RELN: variants seen among roughly 807,000 people sequenced by gnomAD.
RELN encodes the protein reelin.
Under a neutral mutation model 427.6 loss-of-function variants are expected in RELN, and 108 were observed. The ratio of observed to expected loss-of-function variants is 0.25; its 90% confidence interval spans 0.22 to 0.30. RELN has a LOEUF of 0.30. Among genes scored for constraint, RELN ranks in the 10% least tolerant of loss-of-function variants. The pLI, the probability that RELN is intolerant of heterozygous loss-of-function variation, is 1.00. For synonymous variants in RELN, 1,524 were observed against 1,513.4 expected (o/e 1.01, Z -0.16); for missense variants, 3,715 against 4,302.8 (o/e 0.86, Z 3.82).
At position 103,744,525 on chromosome 7, in the gene RELN, A is replaced by T. The variant is rs898494715; in HGVS notation, c.656+4901T>A. Among the ~76,000 whole-genome samples, 135 of 152,210 alleles carry T rather than the reference A, an allele frequency of 8.9e-4. 4 individuals carry two copies. The highest frequency in any genetic ancestry group is 2.9e-4 in the Non-Finnish European group (20 of 68,040). The stretch of plus-strand genomic sequence containing the variant: ...AAACTGATAGACCACTAGCAAGACT[A>T]ATAAAGAAGAAAAGAGAGAAGAATC... On this transcript the variant is annotated intron_variant, in intron 6 of 64. Coordinates refer to ENST00000428762, the MANE Select transcript of RELN (RefSeq NM_005045.4).
intron 3 of RELN, among the ~76,000 whole-genome samples, chr7:103,804,236 A>G (rs1172499762): frequency 6.6e-6 from 1 of 152,162 alleles, no homozygotes; most frequent in Admixed American, 6.5e-5. Context: ...TATTTCAAGT[A>G]CATATAAGAA....
At chr7:103,697,448 T>C (rs1347223283) in intron 10 of RELN, among the ~76,000 whole-genome samples, 2 of 152,126 alleles carry the variant, frequency 1.3e-5, no homozygotes, top group African/African-American at 2.4e-5. Context: ...GATTTGGTAC[T>C]GTTATACTGT....
chr7:103,911,166 A>G (rs1363276785), intron 2 of RELN, among the ~76,000 whole-genome samples: 2 of 141,708 alleles, frequency 1.4e-5, no homozygotes, highest in Admixed American at 1.4e-4. Context: ...AGAAAAAAAC[A>G]AACAACCCCA....
At chr7:103,543,796 C>G (rs1205431585) in intron 42 of RELN, among the ~76,000 whole-genome samples, 1 of 152,110 alleles carries the variant, frequency 6.6e-6, no homozygotes, top group African/African-American at 2.4e-5. Context: ...TTAACCACGT[C>G]AAAGTAAACA....
intron 1 of RELN, among the ~76,000 whole-genome samples, chr7:103,960,312 T>G (rs1216602809): frequency 4.6e-5 from 7 of 152,318 alleles, no homozygotes; most frequent in African/African-American, 1.7e-4. Context: ...TGTTTATGGT[T>G]GCTTCTGGCT....
At chr7:103,509,052 C>T (rs1316181057) in intron 51 of RELN, among the ~76,000 whole-genome samples, 4 of 152,094 alleles carry the variant, frequency 2.6e-5, no homozygotes, top group Admixed American at 2.0e-4. Context: ...TTAGGAAGAA[C>T]CAATATCGTG....
chr7:103,489,618 T>A, intron 60 of RELN, 124 bp downstream of exon 60: 1 of 1,093,950 alleles, frequency 9.1e-7, no homozygotes, highest in Non-Finnish European at 1.4e-6. Flanking sequence ...AAGGAGTGTG[T>A]CATGAATCTC....
At position 103,539,123 on chromosome 7, in the gene RELN, G is replaced by A; in HGVS notation, c.7135C>T (p.Gln2379Ter). ...DVAVNEDSFL[Q>*]IDFAASCSVT... ...GAGCAGGAGGCAGCGAAGTCTATCTGTAGGAAGGAATCCTCATTCACGGCA... is the reference window on the plus strand; with the variant it reads ...GAGCAGGAGGCAGCGAAGTCTATCTATAGGAAGGAATCCTCATTCACGGCA... Residue 2379 changes from glutamine to a stop codon, truncating the protein, a stop_gained, in exon 45 of 65, where the codon CAG becomes TAG. Coordinates refer to ENST00000428762, the MANE Select transcript of RELN (RefSeq NM_005045.4). LOFTEE classifies it high-confidence loss of function. The A allele has an allele frequency of 1.2e-6, 2 of 1,614,202 alleles. No individual in the cohort carries two copies. Among genetic ancestry groups the A allele is most frequent in the Non-Finnish European group, 1.7e-6 (2 of 1,180,026 alleles).
intron 33 of RELN, among the ~76,000 whole-genome samples, 170 bp downstream of exon 33, chr7:103,566,054 A>G (rs1422732954): frequency 6.6e-6 from 1 of 152,196 alleles, no homozygotes; most frequent in Non-Finnish European, 1.5e-5. Context: ...AACCGTCACT[A>G]GGATCACCAA....
chr7:103,548,247 T>C (rs1466182123), intron 41 of RELN, among the ~76,000 whole-genome samples: 1 of 152,240 alleles, frequency 6.6e-6, no homozygotes, highest in Admixed American at 6.5e-5. Flanking sequence ...TTGACTATTT[T>C]GCACCTGAGA....
At chr7:103,885,734 C>A (rs1380798231) in intron 2 of RELN, among the ~76,000 whole-genome samples, 1 of 152,032 alleles carries the variant, frequency 6.6e-6, no homozygotes, top group East Asian at 1.9e-4. Context: ...ACTTAACGTA[C>A]TTTTAAAAAA....
chr7:103,549,848 A>T (rs1830375200), intron 41 of RELN, among the ~76,000 whole-genome samples: 1 of 152,198 alleles, frequency 6.6e-6, no homozygotes, highest in African/African-American at 2.4e-5. Context: ...ATTTCGAATA[A>T]AAACTTTTTC....
chr7:103,860,547 T>A (rs1794048370), intron 2 of RELN, among the ~76,000 whole-genome samples: 1 of 152,048 alleles, frequency 6.6e-6, no homozygotes, highest in Non-Finnish European at 1.5e-5. Context: ...TAACTTGGAT[T>A]TTAAAAAAAT....
At chr7:103,969,220 C>T (rs1007742966) in intron 1 of RELN, among the ~76,000 whole-genome samples, 2 of 152,070 alleles carry the variant, frequency 1.3e-5, no homozygotes, top group African/African-American at 4.8e-5. Flanking sequence ...AAAGTTCATG[C>T]CCTATGAACT....
chr7:103,554,669 C>T (rs1021842268), intron 38 of RELN, among the ~76,000 whole-genome samples: 1 of 151,516 alleles, frequency 6.6e-6, no homozygotes, highest in African/African-American at 2.4e-5. Context: ...TGTGACAATG[C>T]TGTGTATATA....
chr7:103,710,497 TA>T (rs1486175076), intron 8 of RELN, among the ~76,000 whole-genome samples: 1 of 152,210 alleles, frequency 6.6e-6, no homozygotes, highest in Non-Finnish European at 1.5e-5. Flanking sequence ...ATACACTATT[TA>T]ATGAGTGATG....
intron 9 of RELN, 110 bp from the exon 10 acceptor site, chr7:103,698,203 A>G (rs915479158): frequency 1.5e-6 from 2 of 1,318,604 alleles, no homozygotes; most frequent in Non-Finnish European, 2.2e-6. Flanking sequence ...TGTTATATTT[A>G]TTACAGATAA....
chr7:103,492,000 A>G lies in RELN; in HGVS notation c.9396T>C (p.Ser3132=). 1 of 1,613,722 alleles carries G rather than the reference A, an allele frequency of 6.2e-7. No individual in the cohort carries two copies. The highest frequency in any genetic ancestry group is 8.5e-7 in the Non-Finnish European group (1 of 1,179,834). Residue 3132 remains serine (S), a synonymous_variant, in exon 58 of 65, where the codon TCT becomes TCC. Coordinates refer to ENST00000428762, the MANE Select transcript of RELN (RefSeq NM_005045.4). ...FKIVVGCEAT[S]CGDLHSVMLE... Reference sequence around the variant, plus strand: ...GCATTACGGAATGAAGGTCACCACAAGAAGTGGCTTCACAACCCACCACAA... The same window carrying G: ...GCATTACGGAATGAAGGTCACCACAGGAAGTGGCTTCACAACCCACCACAA...
intron 2 of RELN, among the ~76,000 whole-genome samples, chr7:103,913,573 A>G (rs1278595363): frequency 6.6e-6 from 1 of 152,160 alleles, no homozygotes; most frequent in Admixed American, 6.6e-5. Flanking sequence ...CAATATGTAG[A>G]AATTATGCCT....
Sources: allele counts gnomAD v4.1 joint callset (sites outside exome capture counted in the v4.1 genomes callset), GRCh38; gene constraint gnomAD v4.1.1; transcripts MANE v1.5; gene names NCBI Gene and HGNC (gene_info 2026-07-23, HGNC 2026-07-21).